Variants in HCN1 observed in about 807,000 individuals in gnomAD.
The protein encoded by HCN1 is hyperpolarization activated cyclic nucleotide gated potassium channel 1.
In HCN1, 13 loss-of-function variants were observed where a neutral mutation model predicts 78.9. That is an observed-to-expected ratio of 0.16 (90% confidence interval 0.11 to 0.26). The LOEUF (loss-of-function observed/expected upper bound fraction) is 0.26, where lower values mean the gene tolerates loss of function less well. HCN1 is among the 10% of genes least tolerant of loss of function. HCN1 has a pLI of 1.00. For synonymous variants in HCN1, 552 were observed against 455.5 expected, an observed-to-expected ratio of 1.21 and a Z score of -2.70; for missense variants, 810 against 1,154.3, an observed-to-expected ratio of 0.70 and a Z score of 4.32.
chr5:45,394,133 G>A (rs1378253912), intron 4 of HCN1, among the ~76,000 whole-genome samples: 1 of 152,126 alleles, frequency 6.6e-6, no homozygotes, highest in Non-Finnish European at 1.5e-5. Context: ...AAGCTCATGT[G>A]GTTGGGAGAC....
intron 2 of HCN1, among the ~76,000 whole-genome samples, chr5:45,486,974 TA>T (rs1452369259): frequency 1.3e-5 from 2 of 152,130 alleles, no homozygotes; most frequent in Non-Finnish European, 2.9e-5. Context: ...CTCTACTGCC[TA>T]ATTTTCACAA....
intron 1 of HCN1, among the ~76,000 whole-genome samples, chr5:45,680,896 G>T (rs1305567533): frequency 6.6e-6 from 1 of 152,000 alleles, no homozygotes; most frequent in Non-Finnish European, 1.5e-5. Flanking sequence ...TGAAATCATA[G>T]AAATTCTTAC....
rs62369108 is a variant in HCN1 at position 45,557,870 on chromosome 5, G to A, written c.849+87315C>T. On this transcript the variant is annotated intron_variant, in intron 2 of 7. Coordinates refer to ENST00000303230, the MANE Select transcript of HCN1 (RefSeq NM_021072.4). ...TCTCTCCCTCTGATTGGACCTCCCC[G>A]TTCCCTGAGACACAACAATATTGAA... 9.6e-3 allele frequency: 1,453 copies of A among 151,926 alleles called. 10 individuals are homozygous for A. Among genetic ancestry groups the A allele is most frequent in the Non-Finnish European group, 0.016 (1,057 of 67,980 alleles). The allele number at this position is 151,926 out of a possible 1,614,324, so 9.4% of individuals were successfully genotyped here.
intron 5 of HCN1, among the ~76,000 whole-genome samples, chr5:45,342,388 C>T (rs1746602251): frequency 6.8e-6 from 1 of 147,180 alleles, no homozygotes; most frequent in Non-Finnish European, 1.5e-5. Context: ...TGCCACTACA[C>T]CTGGCTATTT....
intron 1 of HCN1, among the ~76,000 whole-genome samples, chr5:45,677,643 G>GAATGAAA (rs1739600371): frequency 6.6e-6 from 1 of 151,698 alleles, no homozygotes; most frequent in Non-Finnish European, 1.5e-5. Flanking sequence ...TTCAAGGTAG[G>GAATGAAA]AATGAAAGGG....
At chr5:45,319,845 GTTA>G (rs1746086261) in intron 5 of HCN1, among the ~76,000 whole-genome samples, 1 of 151,670 alleles carries the variant, frequency 6.6e-6, no homozygotes, top group African/African-American at 2.4e-5. Context: ...ATCTCATTTA[GTTA>G]TTATAAAAAA....
chr5:45,566,474 G>T (rs1743709035), intron 2 of HCN1, among the ~76,000 whole-genome samples: 1 of 151,912 alleles, frequency 6.6e-6, no homozygotes, highest in Non-Finnish European at 1.5e-5. Context: ...TTTTAAGTTA[G>T]AATATTAAAT....
At chr5:45,299,909 T>A (rs888331926) in intron 6 of HCN1, among the ~76,000 whole-genome samples, 1 of 151,986 alleles carries the variant, frequency 6.6e-6, no homozygotes, top group Non-Finnish European at 1.5e-5. Context: ...TGGACAGAGA[T>A]GACACACTAT....
chr5:45,291,877 T>A (rs765340241), intron 6 of HCN1, among the ~76,000 whole-genome samples: 19 of 152,070 alleles, frequency 1.2e-4, no homozygotes, highest in Admixed American at 7.2e-4. Flanking sequence ...TTTTATTAAC[T>A]TGCTTTATTA....
intron 2 of HCN1, among the ~76,000 whole-genome samples, chr5:45,463,418 A>G (rs974293832): frequency 6.6e-6 from 1 of 152,064 alleles, no homozygotes; most frequent in Non-Finnish European, 1.5e-5. Flanking sequence ...GTGGGAATAT[A>G]CACACTGTTC....
At chr5:45,488,591 C>T (rs1741817685) in intron 2 of HCN1, among the ~76,000 whole-genome samples, 1 of 151,974 alleles carries the variant, frequency 6.6e-6, no homozygotes, top group Non-Finnish European at 1.5e-5. Context: ...TTGAAATGCT[C>T]TAAAGAGCTG....
chr5:45,509,939 C>A (rs1044587381), intron 2 of HCN1, among the ~76,000 whole-genome samples: 2 of 152,072 alleles, frequency 1.3e-5, no homozygotes, highest in Admixed American at 1.3e-4. Flanking sequence ...CCCCTGCTAC[C>A]TGAATAAGTA....
intron 6 of HCN1, among the ~76,000 whole-genome samples, chr5:45,294,303 T>A (rs1000982323): frequency 2.0e-5 from 3 of 152,016 alleles, no homozygotes; most frequent in Non-Finnish European, 4.4e-5. Flanking sequence ...ATTTTGGTCA[T>A]AAAAATCCTA....
chr5:45,577,875 TTGA>T (rs949080665), intron 2 of HCN1, among the ~76,000 whole-genome samples: 1 of 152,042 alleles, frequency 6.6e-6, no homozygotes, highest in African/African-American at 2.4e-5. Context: ...GTTGCCTAAG[TTGA>T]TATTAATATT....
intron 2 of HCN1, among the ~76,000 whole-genome samples, chr5:45,517,607 A>G (rs982480259): frequency 6.7e-6 from 1 of 150,280 alleles, no homozygotes; most frequent in Non-Finnish European, 1.5e-5. Context: ...ACCCATCCTT[A>G]TAAATAGAAA....
intron 2 of HCN1, among the ~76,000 whole-genome samples, chr5:45,594,134 A>G (rs1218204303): frequency 1.3e-5 from 2 of 152,146 alleles, no homozygotes; most frequent in Non-Finnish European, 2.9e-5. Context: ...TGAAAGTTTC[A>G]TGTCTCCCCA....
At chr5:45,644,986 C>T in intron 2 of HCN1, 199 bp downstream of exon 2, 2 of 544,208 alleles carry the variant, frequency 3.7e-6, no homozygotes, top group African/African-American at 1.9e-5. Flanking sequence ...CTATTTTTTT[C>T]AGTTCATTCA....
intron 2 of HCN1, among the ~76,000 whole-genome samples, chr5:45,548,674 G>T (rs1419895104): frequency 1.3e-5 from 2 of 152,004 alleles, no homozygotes; most frequent in South Asian, 2.1e-4. Context: ...GGAAATAAAG[G>T]GTATTCAACT....
At chr5:45,482,103 ATAAAT>A (rs1741666498) in intron 2 of HCN1, among the ~76,000 whole-genome samples, 1 of 152,214 alleles carries the variant, frequency 6.6e-6, no homozygotes, top group Non-Finnish European at 1.5e-5. Flanking sequence ...CAGTTATCTG[ATAAAT>A]TAAACTCTGA....
Sources: gnomAD v4.1 joint callset for allele counts (sites outside exome capture counted in the v4.1 genomes callset) on GRCh38, gnomAD v4.1.1 for gene constraint, MANE v1.5 for transcripts, NCBI Gene and HGNC (gene_info 2026-07-23, HGNC 2026-07-21) for gene names.